FRMD8: variants seen among roughly 807,000 people sequenced by gnomAD.
FRMD8 encodes FERM domain-containing protein 8.
In FRMD8, 37 loss-of-function variants were observed where a neutral mutation model predicts 54.2. The ratio of observed to expected loss-of-function variants is 0.68; its 90% CI spans 0.53 to 0.90. The LOEUF is 0.90. Ranked by LOEUF, FRMD8 falls within the 40% of genes least tolerant of loss-of-function variation. The pLI, the probability that FRMD8 is intolerant of heterozygous loss-of-function variation, is 0.00. For synonymous variants in FRMD8, 246 were observed against 286.9 expected (o/e 0.86, Z 1.44); for missense variants, 585 against 653.7 (o/e 0.89, Z 1.15).
rs575288153 is a variant in FRMD8 at position 65,402,227 on chromosome 11, C to G, written c.1071+1360C>G. Among the ~76,000 whole-genome samples the G allele has an allele frequency of 1.7e-3, 262 of 151,784 alleles. 1 individual carries two copies. Among genetic ancestry groups the G allele is most frequent in the African/African-American group, 5.7e-3 (238 of 41,406 alleles). On this transcript the variant is annotated intron_variant, in intron 9 of 10. Transcript: ENST00000317568. ...TTGGCCGGGTGTGGTGGCACACGCC[C>G]GTAATCCCAGCTACTACTTGGGAGA...
the FRMD8 span, chr11:65,381,525 C>T: frequency 4.7e-6 from 1 of 212,644 alleles, no homozygotes; most frequent in Non-Finnish European, 9.5e-6. Context: ...TCGCAAAGTG[C>T]TGGGATTACA....
chr11:65,395,340 C>CA (rs1346794411), intron 6 of FRMD8, among the ~76,000 whole-genome samples: 5 of 151,944 alleles, frequency 3.3e-5, no homozygotes, highest in Admixed American at 2.0e-4. Context: ...GTCAGGAGTT[C>CA]AAGACCAGCC....
the FRMD8 span, among the ~76,000 whole-genome samples, chr11:65,373,832 C>T: frequency 6.6e-6 from 1 of 152,206 alleles, no homozygotes; most frequent in African/African-American, 2.4e-5. Context: ...AAGTGGTCCT[C>T]CTGCCTCGGC....
chr11:65,395,026 C>T (rs563545255), intron 6 of FRMD8, among the ~76,000 whole-genome samples: 120 of 152,176 alleles, frequency 7.9e-4, no homozygotes, highest in African/African-American at 2.7e-3. Context: ...GCAGGCAAAT[C>T]GCTTAAGGTC....
At chr11:65,381,560 CTTTTTTTTTT>C in the FRMD8 span, 30 of 84,684 alleles carry the variant, frequency 3.5e-4, no homozygotes, top group African/African-American at 7.5e-4. Flanking sequence ...TGCCCTGATT[CTTTTTTTTTT>C]TTTTTTTTTT....
chr11:65,394,565 T>G, intron 6 of FRMD8, 140 bp downstream of exon 6: 1 of 1,050,434 alleles, frequency 9.5e-7, no homozygotes, highest in Non-Finnish European at 1.4e-6. Context: ...AGGCTCACTC[T>G]GGCCCTAGGC....
At position 65,404,950 on chromosome 11, in the gene FRMD8, C is replaced by T. The variant is rs1243891060; in HGVS notation, c.1158C>T (p.Gly386=). The T allele has an allele frequency of 1.2e-6, 2 of 1,613,052 alleles. No individual in the cohort carries two copies. The highest frequency in any genetic ancestry group is 2.2e-5 in the East Asian group (1 of 44,898). The change falls in exon 10 of 11, where the codon GGC becomes GGT. Residue 386 remains glycine, a synonymous_variant. Transcript: ENST00000317568. The surrounding 1 kb of genome is among the most constrained non-coding windows in gnomAD (Gnocchi z 4.7). ...EPAGPQDSAT[G]SPSDPSSSLA... ...CAGGCCCCCAGGACAGTGCGACTGG[C>T]TCGCCCTCGGACCCCAGCTCCTCAC...
chr11:65,376,540 C>CT, the FRMD8 span: 2 of 1,614,200 alleles, frequency 1.2e-6, no homozygotes, highest in Non-Finnish European at 1.7e-6. Context: ...GCTCACCATG[C>CT]AGTCCAGCAT....
intron 1 of FRMD8, 25 bp from the exon 2 acceptor site, chr11:65,387,012 C>T: frequency 6.3e-7 from 1 of 1,598,102 alleles, no homozygotes; most frequent in East Asian, 2.2e-5. Context: ...CTCCCGGTAA[C>T]TGCTGTTTCT....
intron 10 of FRMD8, among the ~76,000 whole-genome samples, chr11:65,408,076 CT>C (rs757980759): frequency 2.0e-3 from 279 of 139,540 alleles, no homozygotes; most frequent in Middle Eastern, 3.6e-3. Flanking sequence ...ATTGTTTTTT[CT>C]TTTTTTTTTT....
chr11:65,403,276 A>G lies in FRMD8; in HGVS notation c.1072-1588A>G, dbSNP rs923714603. 4.6e-5 allele frequency among the ~76,000 whole-genome samples: 7 copies of G among 152,066 alleles called. No homozygotes were observed. In the South Asian group the frequency reaches 1.5e-3, roughly 32 times the overall value. On this transcript the variant is annotated intron_variant, in intron 9 of 10. Transcript: ENST00000317568. ...CAGCTCACTGCAACCTCCGCCTCCT[A>G]GGTTCAAGCGATTCTCTCACCTCAG...
intron 2 of FRMD8, among the ~76,000 whole-genome samples, chr11:65,388,445 C>G (rs1855776813): frequency 6.6e-6 from 1 of 151,942 alleles, no homozygotes; most frequent in African/African-American, 2.4e-5. Flanking sequence ...CCCTTCCACA[C>G]ACTCTTGGAG....
chr11:65,396,871 C>T lies in FRMD8; in HGVS notation c.654C>T (p.Gly218=). 1 of 1,558,998 alleles carries T rather than the reference C, an allele frequency of 6.4e-7. No individual in the cohort carries two copies. Among genetic ancestry groups the T allele is most frequent in the Non-Finnish European group, 8.7e-7 (1 of 1,152,874 alleles). ...RGQSLFAALR[G]RGARAGPGEQ... is the part of the protein sequence containing the mutation. ...AGAGTCTCTTTGCTGCCCTCCGGGG[C>T]CGTGGGGCCAGGGCCGGGCCGGGCG... The change falls in exon 7 of 11, where the codon GGC becomes GGT. Residue 218 remains glycine (G), a synonymous_variant. Coordinates refer to ENST00000317568, the MANE Select transcript of FRMD8 (RefSeq NM_031904.5).
intron 6 of FRMD8, among the ~76,000 whole-genome samples, chr11:65,396,550 C>T (rs548253259): frequency 2.0e-5 from 3 of 152,294 alleles, no homozygotes; most frequent in Admixed American, 6.5e-5. Context: ...AGGTGCCTCT[C>T]ACCAGCTGTA....
chr11:65,399,290 C>T (rs538773094), intron 7 of FRMD8, among the ~76,000 whole-genome samples: 6 of 152,228 alleles, frequency 3.9e-5, no homozygotes, highest in Admixed American at 2.6e-4. Context: ...TGAGCCACCG[C>T]GCCCAGCCTC....
At chr11:65,385,455 G>C (rs1438530120), upstream of FRMD8, among the ~76,000 whole-genome samples, 1 of 152,214 alleles carries the variant, frequency 6.6e-6, no homozygotes, top group African/African-American at 2.4e-5. Flanking sequence ...GGGAACCAGG[G>C]CAAAGTGAAC....
chr11:65,380,312 G>A, the FRMD8 span: 1 of 1,311,100 alleles, frequency 7.6e-7, no homozygotes, highest in Non-Finnish European at 1.1e-6. Context: ...CCACCTTCCT[G>A]CCAAGCTCTA....
At chr11:65,392,030 G>A (rs2137875620) in intron 3 of FRMD8, among the ~76,000 whole-genome samples, 1 of 152,360 alleles carries the variant, frequency 6.6e-6, no homozygotes, top group Admixed American at 6.5e-5. Context: ...GGCCAAGTGA[G>A]GGGAGTTAAT....
chr11:65,371,563 C>T, the FRMD8 span, among the ~76,000 whole-genome samples: 1 of 152,228 alleles, frequency 6.6e-6, no homozygotes, highest in Non-Finnish European at 1.5e-5. Flanking sequence ...TCTGTTAAAT[C>T]CTTAAGCAAT....
Sources: gnomAD v4.1 joint callset for allele counts (sites outside exome capture counted in the v4.1 genomes callset) on GRCh38, gnomAD v4.1.1 for gene constraint, Gnocchi (gnomAD v3.1) non-coding constraint, MANE v1.5 for transcripts, NCBI Gene and HGNC (gene_info 2026-07-23, HGNC 2026-07-21) for gene names.